CACNB2: variants seen among roughly 807,000 people sequenced by gnomAD.
CACNB2 encodes calcium voltage-gated channel auxiliary subunit beta 2.
Under a neutral mutation model 73.3 loss-of-function variants are expected in CACNB2, and 42 were observed. The ratio of observed to expected loss-of-function variants is 0.57; its 90% confidence interval spans 0.45 to 0.74. CACNB2 has a LOEUF of 0.74. Ranked by LOEUF, CACNB2 falls within the 30% of genes least tolerant of loss-of-function variation. CACNB2 has a pLI of 0.00. For synonymous variants in CACNB2, 348 were observed against 310.3 expected (o/e 1.12, Z -1.28); for missense variants, 940 against 853.0 (o/e 1.10, Z -1.27).
intron 2 of CACNB2, among the ~76,000 whole-genome samples, chr10:18,179,050 T>G (rs2033745161): frequency 6.6e-6 from 1 of 152,192 alleles, no homozygotes; most frequent in Admixed American, 6.5e-5. Context: ...CATAAACAAA[T>G]TAGAATTTTC....
At chr10:18,324,645 C>G (rs1253437941) in intron 2 of CACNB2, among the ~76,000 whole-genome samples, 1 of 152,218 alleles carries the variant, frequency 6.6e-6, no homozygotes, top group Non-Finnish European at 1.5e-5. Context: ...TTCTTAAAGT[C>G]CAGAGTTTGA....
chr10:18,495,591 G>GTGTGTGTGTGTGTGTA (rs768160446), intron 3 of CACNB2, among the ~76,000 whole-genome samples: 48 of 138,720 alleles, frequency 3.5e-4, no homozygotes, highest in Non-Finnish European at 5.9e-4. Flanking sequence ...GTGTGTGTGT[G>GTGTGTGTGTGTGTGTA]TATAAGAGAT....
chr10:18,253,797 T>G (rs1232180483), intron 2 of CACNB2, among the ~76,000 whole-genome samples: 1 of 152,178 alleles, frequency 6.6e-6, no homozygotes, highest in African/African-American at 2.4e-5. Context: ...GTTCTATCAT[T>G]GCCCCCGACT....
chr10:18,443,733 T>TA (rs2046592585), intron 3 of CACNB2, among the ~76,000 whole-genome samples: 1 of 150,032 alleles, frequency 6.7e-6, no homozygotes, highest in South Asian at 2.1e-4. Context: ...TTTTTTTTTT[T>TA]AAACAGAGTC....
At chr10:18,354,855 A>G (rs1199602962) in intron 2 of CACNB2, among the ~76,000 whole-genome samples, 2 of 152,216 alleles carry the variant, frequency 1.3e-5, no homozygotes, top group African/African-American at 4.8e-5. Context: ...TTCTTTCTTC[A>G]AAGTCACATC....
intron 1 of CACNB2, among the ~76,000 whole-genome samples, chr10:18,144,197 C>T (rs1380062323): frequency 1.3e-5 from 2 of 152,210 alleles, no homozygotes; most frequent in South Asian, 2.1e-4. Flanking sequence ...CCTGCCTCAG[C>T]CTCCTCAGTA....
chr10:18,536,193 T>G lies in CACNB2; in HGVS notation c.1299T>G (p.Pro433=). Residue 433 remains proline (P), a synonymous_variant, in exon 12 of 14, where the codon CCT becomes CCG. Coordinates refer to ENST00000324631, the MANE Select transcript of CACNB2 (RefSeq NM_201596.3). ...CAGCTGATAAACTGGCTCAGTGTCC[T>G]CCAGTAAGTTATCTCTATATACAGC... ...MVAADKLAQC[P]PELFDVILDE... 1 of 1,489,372 alleles carries G rather than the reference T, an allele frequency of 6.7e-7. No homozygotes were observed. Among genetic ancestry groups the G allele is most frequent in the Non-Finnish European group, 9.2e-7 (1 of 1,084,840 alleles). The allele number at this position is 1,489,372 out of a possible 1,614,324, so 92.3% of individuals were successfully genotyped here. A position where few individuals can be genotyped will look rare whatever the true frequency, so the allele number is the denominator to read the frequency against.
intron 3 of CACNB2, among the ~76,000 whole-genome samples, chr10:18,485,066 T>C (rs769119993): frequency 1.3e-5 from 2 of 152,056 alleles, no homozygotes; most frequent in Non-Finnish European, 1.5e-5. Context: ...CATTTGAGCA[T>C]GGAATGCAGA....
intron 2 of CACNB2, among the ~76,000 whole-genome samples, chr10:18,369,586 G>T (rs2042492662): frequency 6.6e-6 from 1 of 152,122 alleles, no homozygotes; most frequent in Non-Finnish European, 1.5e-5. Context: ...TCTTGTTAGA[G>T]GGTGGAACTG....
intron 2 of CACNB2, among the ~76,000 whole-genome samples, chr10:18,287,119 A>G (rs1449743207): frequency 2.0e-5 from 3 of 152,094 alleles, no homozygotes; most frequent in African/African-American, 7.2e-5. Context: ...ACTAGAGGTC[A>G]GGAGTTCAAG....
At chr10:18,536,026 A>C in intron 11 of CACNB2, 75 bp from the exon 12 acceptor site, 1 of 852,954 alleles carries the variant, frequency 1.2e-6, no homozygotes, top group South Asian at 1.4e-5. Flanking sequence ...GCCCCAGAGA[A>C]AGGAGTCAAT....
chr10:18,368,844 A>T (rs1175782182), intron 2 of CACNB2, among the ~76,000 whole-genome samples: 5 of 152,168 alleles, frequency 3.3e-5, no homozygotes, highest in African/African-American at 1.2e-4. Flanking sequence ...TGAAGAAAAA[A>T]TATTTAAAGT....
At chr10:18,465,919 G>T (rs548584625) in intron 3 of CACNB2, among the ~76,000 whole-genome samples, 16 of 152,160 alleles carry the variant, frequency 1.1e-4, no homozygotes, top group African/African-American at 3.6e-4. Flanking sequence ...GACCTCAAGT[G>T]ATCTGCCTGC....
At chr10:18,476,770 A>G (rs552874763) in intron 3 of CACNB2, among the ~76,000 whole-genome samples, 140 of 152,254 alleles carry the variant, frequency 9.2e-4, no homozygotes, top group African/African-American at 3.2e-3. Flanking sequence ...CTCAGCACTT[A>G]AGGAGGCTGA....
At chr10:18,290,032 A>C (rs575869134) in intron 2 of CACNB2, among the ~76,000 whole-genome samples, 75 of 151,608 alleles carry the variant, frequency 4.9e-4, no homozygotes, top group African/African-American at 1.5e-3. Context: ...CCTTTGACTT[A>C]ATAGATCTTT....
intron 3 of CACNB2, among the ~76,000 whole-genome samples, chr10:18,452,478 A>G (rs540541748): frequency 6.6e-6 from 1 of 152,352 alleles, no homozygotes; most frequent in Non-Finnish European, 1.5e-5. Context: ...TTATCTAGCT[A>G]ATATCACATC....
intron 7 of CACNB2, chr10:18,515,162 C>G: frequency 1.3e-6 from 1 of 799,984 alleles, no homozygotes; most frequent in Non-Finnish European, 2.2e-6. Flanking sequence ...AGAGCCTTTG[C>G]CATTGGCCAT....
chr10:18,359,679 A>G lies in CACNB2; in HGVS notation c.214-42245A>G, dbSNP rs377240640. Among the ~76,000 whole-genome samples the G allele has an allele frequency of 4.0e-5, 6 of 151,724 alleles. No individual in the cohort carries two copies. The East Asian group carries it at 9.7e-4, about 24-fold the overall frequency. ...GCAGGTTTGTTGCATAGGTATACATATGCCATGGTGGCTTGCTGCACCCAT... is the reference window on the plus strand; with the variant it reads ...GCAGGTTTGTTGCATAGGTATACATGTGCCATGGTGGCTTGCTGCACCCAT... On this transcript the variant is annotated intron_variant, in intron 2 of 13. Transcript: ENST00000324631.
intron 2 of CACNB2, among the ~76,000 whole-genome samples, chr10:18,365,363 C>A (rs564924852): frequency 1.3e-5 from 2 of 152,252 alleles, no homozygotes; most frequent in South Asian, 2.1e-4. Flanking sequence ...TAATTTTCAA[C>A]CTTTCTTCAT....
Sources: gnomAD v4.1 joint callset for allele counts (sites outside exome capture counted in the v4.1 genomes callset) on GRCh38, gnomAD v4.1.1 for gene constraint, MANE v1.5 for transcripts, NCBI Gene and HGNC (gene_info 2026-07-23, HGNC 2026-07-21) for gene names.